The following MAPK6 variants were observed in gnomAD, a reference collection of about 807,000 sequenced individuals.
MAPK6 encodes mitogen-activated protein kinase 6.
Under a neutral mutation model 59.3 loss-of-function variants are expected in MAPK6, and 19 were observed. That is an observed-to-expected ratio of 0.32 (90% CI 0.22 to 0.47). The LOEUF (loss-of-function observed/expected upper bound fraction) is 0.47. Among genes scored for constraint, MAPK6 ranks in the 20% least tolerant of loss-of-function variants. MAPK6 has a pLI of 1.00. For missense variants in MAPK6, 724 were observed against 847.9 expected, an observed-to-expected ratio of 0.85 and a Z score of 1.81; for synonymous variants, 316 against 290.3, an observed-to-expected ratio of 1.09 and a Z score of -0.90.
Position 51,999,575 on chromosome 15 carries a change from G to C in MAPK6, c.-769-4690G>C, listed in dbSNP as rs748240742. Among the ~76,000 whole-genome samples, 12 of 151,632 alleles carry C rather than the reference G, an allele frequency of 7.9e-5. 1 individual carries two copies. Among genetic ancestry groups the C allele is most frequent in the Admixed American group, 1.3e-4 (2 of 15,206 alleles). ...TGCAAATATTTTCTCCCACGCTTTG[G>C]GTTGTTTTTTAACTTTCCTTTTTTT... On this transcript the variant is annotated intron_variant, in intron 2 of 7. Coordinates refer to the MAPK6 transcript ENST00000691380.
At chr15:52,002,793 A>T (rs750472054) in intron 2 of MAPK6, among the ~76,000 whole-genome samples, 1 of 152,172 alleles carries the variant, frequency 6.6e-6, no homozygotes, top group Non-Finnish European at 1.5e-5. Context: ...GCCTCAGGAG[A>T]CTTACAATCA....
intron 3 of MAPK6, chr15:52,004,480 C>T (rs1287245324): frequency 1.3e-5 from 2 of 152,222 alleles, no homozygotes; most frequent in East Asian, 1.9e-4. Flanking sequence ...CCCTTTCTCA[C>T]TGGCCCTCTC....
chr15:52,037,096 A>G (rs2141888109), intron 1 of MAPK6, among the ~76,000 whole-genome samples: 1 of 152,274 alleles, frequency 6.6e-6, no homozygotes, highest in East Asian at 1.9e-4. Context: ...CGGGAGTTCA[A>G]GACCAGCCTG....
intron 1 of MAPK6, among the ~76,000 whole-genome samples, chr15:52,043,343 G>C (rs1390432116): frequency 1.3e-5 from 2 of 151,854 alleles, no homozygotes; most frequent in East Asian, 3.9e-4. Context: ...TTTTGCCCAG[G>C]CTGGAGTGCA....
intron 3 of MAPK6, among the ~76,000 whole-genome samples, chr15:52,012,212 AC>A (rs2030075662): frequency 6.6e-6 from 1 of 152,098 alleles, no homozygotes; most frequent in African/African-American, 2.4e-5. Context: ...GGTTAATCAG[AC>A]CCAATTCTCA....
intron 3 of MAPK6, among the ~76,000 whole-genome samples, chr15:52,050,648 A>G (rs986705970): frequency 2.0e-5 from 3 of 152,224 alleles, no homozygotes; most frequent in Non-Finnish European, 4.4e-5. Flanking sequence ...TCTGTATAAA[A>G]TTATTTAGTA....
At chr15:52,057,855 A>T (rs981802435) in intron 3 of MAPK6, among the ~76,000 whole-genome samples, 2 of 152,162 alleles carry the variant, frequency 1.3e-5, no homozygotes, top group Admixed American at 1.3e-4. Flanking sequence ...AGCATATGTC[A>T]CCATAAGACC....
At chr15:52,053,476 T>C (rs2031851831) in intron 3 of MAPK6, among the ~76,000 whole-genome samples, 1 of 152,230 alleles carries the variant, frequency 6.6e-6, no homozygotes, top group African/African-American at 2.4e-5. Flanking sequence ...CTTTTTATTA[T>C]TGAGTTGTAA....
chr15:52,051,667 A>G (rs1009639669), intron 3 of MAPK6, among the ~76,000 whole-genome samples: 4 of 152,054 alleles, frequency 2.6e-5, no homozygotes, highest in African/African-American at 9.7e-5. Context: ...TGAGGTCAGG[A>G]GTTTGAGACC....
At chr15:51,985,215 C>T (rs1434899169) in intron 2 of MAPK6, among the ~76,000 whole-genome samples, 2 of 151,006 alleles carry the variant, frequency 1.3e-5, no homozygotes, top group African/African-American at 2.4e-5. Context: ...TGGTGGCATG[C>T]ACCTGTAGTC....
At chr15:51,987,152 T>C (rs2057193352) in intron 2 of MAPK6, among the ~76,000 whole-genome samples, 1 of 152,236 alleles carries the variant, frequency 6.6e-6, no homozygotes, top group African/African-American at 2.4e-5. Context: ...GAATTTTGCA[T>C]TCTAATTTTT....
rs896376034 is a variant in MAPK6 at position 52,019,246 on chromosome 15, G to T, written c.-762G>T. On this transcript the variant is annotated 5_prime_UTR_variant, in exon 1 of 6. Coordinates refer to ENST00000261845, the MANE Select transcript of MAPK6 (RefSeq NM_002748.4). ...TCCTCGCCCTCTCTCGCGGGTCGGGGTTACATGGCGGCGACTGCGGCAAAG... is the reference window on the plus strand; with the variant it reads ...TCCTCGCCCTCTCTCGCGGGTCGGGTTTACATGGCGGCGACTGCGGCAAAG... 1.3e-5 allele frequency: 2 copies of T among 152,130 alleles called. No homozygotes were observed. The highest frequency in any genetic ancestry group is 2.1e-4 in the South Asian group (1 of 4,826). The allele number at this position is 152,130 out of a possible 1,614,324, so 9.4% of individuals were successfully genotyped here.
Position 52,054,116 on chromosome 15 carries a change from C to A in MAPK6, c.700+3979C>A, listed in dbSNP as rs552760875. On this transcript the variant is annotated intron_variant, in intron 3 of 5. Coordinates refer to ENST00000261845, the MANE Select transcript of MAPK6 (RefSeq NM_002748.4). ...GGCGCGGTGGCTCACACCTGTAATC[C>A]CAGCGCTTTGGGATGCGGAGGCAAG... 5.3e-5 allele frequency among the ~76,000 whole-genome samples: 8 copies of A among 151,808 alleles called. No homozygotes were observed. The East Asian group carries it at 1.6e-3, about 30-fold the overall frequency.
chr15:51,989,854 T>C (rs983245650), intron 2 of MAPK6, among the ~76,000 whole-genome samples: 1 of 152,230 alleles, frequency 6.6e-6, no homozygotes, highest in South Asian at 2.1e-4. Context: ...TCCTCCCACC[T>C]CAGCTTCCTG....
intron 2 of MAPK6, among the ~76,000 whole-genome samples, chr15:52,001,571 C>T (rs1260471388): frequency 7.1e-6 from 1 of 141,066 alleles, no homozygotes; most frequent in Non-Finnish European, 1.5e-5. Context: ...TGCAGTGGTA[C>T]AATCTCGGCT....
At chr15:51,973,412 GCTCA>G (rs2057145305) in intron 1 of MAPK6, among the ~76,000 whole-genome samples, 1 of 151,922 alleles carries the variant, frequency 6.6e-6, no homozygotes, top group Non-Finnish European at 1.5e-5. Flanking sequence ...CGCCATCATA[GCTCA>G]CTGCAGCCTC....
chr15:52,011,971 C>T (rs1368094685), intron 3 of MAPK6, among the ~76,000 whole-genome samples: 1 of 152,194 alleles, frequency 6.6e-6, no homozygotes, highest in Non-Finnish European at 1.5e-5. Flanking sequence ...TCCTTTTAGA[C>T]CCTCCTTGAC....
intron 1 of MAPK6, among the ~76,000 whole-genome samples, chr15:52,033,104 C>G (rs1360689465): frequency 6.6e-6 from 1 of 152,212 alleles, no homozygotes; most frequent in Non-Finnish European, 1.5e-5. Flanking sequence ...GCCACGGCAC[C>G]TGGCATCTTT....
intron 2 of MAPK6, 62 bp from the exon 3 acceptor site, chr15:52,049,931 C>G: frequency 7.0e-7 from 1 of 1,435,988 alleles, no homozygotes; most frequent in Non-Finnish European, 9.7e-7. Context: ...ATTCTTTAAT[C>G]AAGTTGTAAG....
Sources: gnomAD v4.1 joint callset for allele counts (sites outside exome capture counted in the v4.1 genomes callset) on GRCh38, gnomAD v4.1.1 for gene constraint, MANE v1.5 for transcripts, NCBI Gene and HGNC (gene_info 2026-07-23, HGNC 2026-07-21) for gene names.